Variants in PTPRJ observed in about 807,000 individuals in gnomAD.
PTPRJ encodes the protein receptor-type tyrosine-protein phosphatase eta.
PTPRJ carries 129 observed loss-of-function variants against 141.3 expected under a neutral mutation model. The observed-to-expected ratio is 0.91, with a 90% confidence interval of 0.79 to 1.06. PTPRJ has a LOEUF of 1.06. Ranked by LOEUF, PTPRJ falls within the 50% of genes least tolerant of loss-of-function variation. PTPRJ has a pLI of 0.00. For synonymous variants in PTPRJ, 610 were observed against 640.5 expected (o/e 0.95, Z 0.72); for missense variants, 1,601 against 1,679.7 (o/e 0.95, Z 0.82).
chr11:48,142,858 C>G, intron 11 of PTPRJ, 61 bp from the exon 12 acceptor site: 1 of 1,544,314 alleles, frequency 6.5e-7, no homozygotes. Flanking sequence ...ATGTTCTCTA[C>G]CTAATGTGTT....
chr11:48,049,516 AAAAC>A (rs1854499216), intron 1 of PTPRJ, among the ~76,000 whole-genome samples: 2 of 48,306 alleles, frequency 4.1e-5, no homozygotes, highest in South Asian at 4.2e-4. Flanking sequence ...CGTCTCTACT[AAAAC>A]AAAACAAAAC....
chr11:48,103,981 A>G (rs1258727372), intron 1 of PTPRJ, among the ~76,000 whole-genome samples: 2 of 152,168 alleles, frequency 1.3e-5, no homozygotes, highest in Non-Finnish European at 2.9e-5. Context: ...GAAGCCTTCC[A>G]TGGCATTTTT....
At chr11:48,159,806 C>T in intron 21 of PTPRJ, 124 bp from the exon 22 acceptor site, 2 of 1,274,620 alleles carry the variant, frequency 1.6e-6, no homozygotes, top group Non-Finnish European at 2.2e-6. Context: ...TCAAACAAAA[C>T]CCAACTAGAA....
Position 48,025,324 on chromosome 11 carries a change from C to T in PTPRJ, c.96+44316C>T, listed in dbSNP as rs538746996. Among the ~76,000 whole-genome samples the T allele has an allele frequency of 5.3e-5, 8 of 152,262 alleles. No homozygotes were observed. The East Asian group carries it at 7.7e-4, about 15-fold the overall frequency. On this transcript the variant is annotated intron_variant, in intron 1 of 24. Coordinates refer to ENST00000418331, the MANE Select transcript of PTPRJ (RefSeq NM_002843.4). The stretch of plus-strand genomic sequence containing the variant: ...GGAGCAGCTGCCAGTCGGCTTCTTG[C>T]GATGTGAAAGTACAGCCCCAGAAAA...
intron 1 of PTPRJ, among the ~76,000 whole-genome samples, chr11:47,982,020 T>G (rs1484948798): frequency 6.6e-6 from 1 of 152,230 alleles, no homozygotes; most frequent in Non-Finnish European, 1.5e-5. Flanking sequence ...AATGAGTTAT[T>G]GGCTGGGGAT....
chr11:48,130,874 A>T (rs1209403751), intron 8 of PTPRJ, among the ~76,000 whole-genome samples, 158 bp downstream of exon 8: 1 of 151,808 alleles, frequency 6.6e-6, no homozygotes, highest in African/African-American at 2.4e-5. Context: ...TATATGAAAT[A>T]CAGACAAGTA....
intron 1 of PTPRJ, among the ~76,000 whole-genome samples, chr11:48,071,905 T>TTC (rs1855268043): frequency 7.5e-6 from 1 of 133,568 alleles, no homozygotes; most frequent in African/African-American, 2.8e-5. Context: ...CCTGGCCATT[T>TTC]TTTTTTTTTT....
intron 1 of PTPRJ, among the ~76,000 whole-genome samples, chr11:48,095,927 A>G (rs948206402): frequency 6.6e-6 from 1 of 152,186 alleles, no homozygotes; most frequent in African/African-American, 2.4e-5. Context: ...CTTTCCTGCC[A>G]CAGCCGTGGT....
In PTPRJ at chr11:48,088,124, G is replaced by C. The variant is rs1383265384; in HGVS notation, c.97-21934G>C. 3.3e-5 allele frequency among the ~76,000 whole-genome samples: 5 copies of C among 152,096 alleles called. No individual in the cohort carries two copies. The East Asian group carries it at 9.6e-4, about 29-fold the overall frequency. On this transcript the variant is annotated intron_variant, in intron 1 of 24. Transcript: ENST00000418331. ...GGTCTTTGGAGGATGAGATAAAAAG[G>C]GTTTTGCCCAGGGTCAAATGCTGTG...
intron 1 of PTPRJ, among the ~76,000 whole-genome samples, chr11:48,004,284 A>G (rs1317651457): frequency 6.6e-6 from 1 of 152,232 alleles, no homozygotes; most frequent in Admixed American, 6.5e-5. Context: ...TACCTTGATC[A>G]GATTCCTCCC....
At chr11:48,117,267 A>G (rs1001345707) in intron 3 of PTPRJ, among the ~76,000 whole-genome samples, 5 of 152,166 alleles carry the variant, frequency 3.3e-5, no homozygotes, top group African/African-American at 4.8e-5. Flanking sequence ...CTCCCTGGGC[A>G]CAGTGGCTCG....
intron 1 of PTPRJ, among the ~76,000 whole-genome samples, chr11:48,040,612 C>CTTT (rs398055231): frequency 1.1e-4 from 15 of 135,396 alleles, no homozygotes; most frequent in South Asian, 2.3e-4. Context: ...TCTTCTTCTT[C>CTTT]TTTTTTTTTT....
chr11:48,156,309 A>T (rs905786698), intron 21 of PTPRJ, among the ~76,000 whole-genome samples, 190 bp downstream of exon 21: 3 of 152,090 alleles, frequency 2.0e-5, no homozygotes, highest in Admixed American at 2.0e-4. Context: ...AAACAATTCT[A>T]TTTTGTCATT....
At chr11:47,984,632 C>T (rs1475224580) in intron 1 of PTPRJ, among the ~76,000 whole-genome samples, 2 of 151,886 alleles carry the variant, frequency 1.3e-5, no homozygotes, top group African/African-American at 2.4e-5. Flanking sequence ...AATCTTGGCT[C>T]ACCGCAACCT....
At chr11:48,066,554 GTATTATTATTATTATTATTATTAT>G (rs58097315) in intron 1 of PTPRJ, among the ~76,000 whole-genome samples, 2,103 of 133,854 alleles carry the variant, frequency 0.016, 75 homozygotes, top group African/African-American at 0.054. Flanking sequence ...TTATCCAGTC[GTATTATTATTATTATTATTATTAT>G]TATTATTATT....
chr11:48,019,138 C>T lies in PTPRJ; in HGVS notation c.96+38130C>T, dbSNP rs527688641. 4.6e-5 allele frequency among the ~76,000 whole-genome samples: 7 copies of T among 152,000 alleles called. 1 individual carries two copies. In the South Asian group the frequency reaches 1.5e-3, roughly 32 times the overall value. ...TCCAGGCTGCCAAGAGTTTAAGTTGCTGCCTCCCGGTCTCTGTGCCCTTTT... is the reference window on the plus strand; with the variant it reads ...TCCAGGCTGCCAAGAGTTTAAGTTGTTGCCTCCCGGTCTCTGTGCCCTTTT... On this transcript the variant is annotated intron_variant, in intron 1 of 24. Coordinates refer to ENST00000418331, the MANE Select transcript of PTPRJ (RefSeq NM_002843.4).
At chr11:48,024,931 G>A (rs963315669) in intron 1 of PTPRJ, among the ~76,000 whole-genome samples, 4 of 152,244 alleles carry the variant, frequency 2.6e-5, no homozygotes, top group Admixed American at 1.3e-4. Flanking sequence ...AGAGCTCTCG[G>A]GTGATAGAAG....
intron 1 of PTPRJ, among the ~76,000 whole-genome samples, chr11:48,063,101 G>A (rs1359103715): frequency 6.6e-6 from 1 of 152,228 alleles, no homozygotes; most frequent in Non-Finnish European, 1.5e-5. Flanking sequence ...GCCGAGGTGG[G>A]TGGATCACCT....
intron 2 of PTPRJ, among the ~76,000 whole-genome samples, chr11:48,111,280 C>CAAAAAAAAAAAAA (rs10554961): frequency 3.0e-5 from 2 of 67,248 alleles, no homozygotes; most frequent in Non-Finnish European, 5.2e-5. Flanking sequence ...AACTCCATCT[C>CAAAAAAAAAAAAA]AAAAAAAAAA....
Sources: allele counts gnomAD v4.1 joint callset (sites outside exome capture counted in the v4.1 genomes callset), GRCh38; gene constraint gnomAD v4.1.1; transcripts MANE v1.5; gene names NCBI Gene and HGNC (gene_info 2026-07-23, HGNC 2026-07-21).